Variants in TASP1 observed in about 807,000 individuals in gnomAD.
The protein encoded by TASP1 is taspase 1.
Under a neutral mutation model 56.6 loss-of-function variants are expected in TASP1, and 16 were observed. The ratio of observed to expected loss-of-function variants is 0.28; its 90% CI spans 0.19 to 0.43. The LOEUF (loss-of-function observed/expected upper bound fraction) is 0.43. Among genes scored for constraint, TASP1 ranks in the 20% least tolerant of loss-of-function variants. TASP1 has a pLI of 1.00. For missense variants in TASP1, 393 were observed against 511.6 expected (o/e 0.77, Z 2.24); for synonymous variants, 179 against 184.2 (o/e 0.97, Z 0.23).
At chr20:13,109,612 G>T in the TASP1 span, among the ~76,000 whole-genome samples, 2 of 152,190 alleles carry the variant, frequency 1.3e-5, no homozygotes, top group Non-Finnish European at 2.9e-5. Context: ...AGGCTTAATT[G>T]TCCCACTGCT....
intron 8 of TASP1, among the ~76,000 whole-genome samples, chr20:13,542,187 G>A (rs1027226214): frequency 2.6e-5 from 4 of 152,022 alleles, no homozygotes; most frequent in Non-Finnish European, 4.4e-5. Flanking sequence ...AAAGGATGGG[G>A]AAGAAAAAAC....
At chr20:13,265,303 C>T in the TASP1 span, among the ~76,000 whole-genome samples, 1 of 152,130 alleles carries the variant, frequency 6.6e-6, no homozygotes, top group Non-Finnish European at 1.5e-5. Context: ...CCTCTGAAAA[C>T]CTTTCTTTCT....
chr20:13,206,619 C>G, the TASP1 span, among the ~76,000 whole-genome samples: 11 of 152,130 alleles, frequency 7.2e-5, no homozygotes, highest in Non-Finnish European at 1.3e-4. Context: ...AAGATTCCTT[C>G]CGTCTATTGA....
chr20:13,209,524 T>C, the TASP1 span, among the ~76,000 whole-genome samples: 10 of 152,182 alleles, frequency 6.6e-5, no homozygotes, highest in Admixed American at 5.2e-4. Flanking sequence ...AGAAAGACCT[T>C]CCATTATATT....
intron 10 of TASP1, among the ~76,000 whole-genome samples, chr20:13,491,217 G>T (rs2043514339): frequency 6.6e-6 from 1 of 152,156 alleles, no homozygotes; most frequent in Non-Finnish European, 1.5e-5. Context: ...ATTTCTCTTA[G>T]CCTGGCAGGA....
At chr20:13,511,358 G>A (rs765137716) in intron 10 of TASP1, among the ~76,000 whole-genome samples, 3 of 152,048 alleles carry the variant, frequency 2.0e-5, no homozygotes, top group Admixed American at 6.6e-5. Flanking sequence ...AATGGAGCCC[G>A]TGAACAAATT....
At chr20:13,234,192 C>CACTT in the TASP1 span, among the ~76,000 whole-genome samples, 1 of 152,104 alleles carries the variant, frequency 6.6e-6, no homozygotes, top group Non-Finnish European at 1.5e-5. Context: ...GTTTAGCCCC[C>CACTT]ACTTATAAGG....
At chr20:13,343,804 T>C in the TASP1 span, among the ~76,000 whole-genome samples, 2 of 152,068 alleles carry the variant, frequency 1.3e-5, no homozygotes, top group South Asian at 4.1e-4. Context: ...ATCCTGACTA[T>C]AGAAAGAAAG....
chr20:13,563,198 A>G (rs2046408463), intron 7 of TASP1, among the ~76,000 whole-genome samples: 1 of 151,754 alleles, frequency 6.6e-6, no homozygotes, highest in Admixed American at 6.6e-5. Context: ...AATGAAATTA[A>G]CAAAGTCCAA....
the TASP1 span, among the ~76,000 whole-genome samples, chr20:13,108,309 T>C: frequency 6.6e-6 from 1 of 152,226 alleles, no homozygotes; most frequent in Admixed American, 6.5e-5. Context: ...AAGAACTATC[T>C]TGTGGCCTCA....
chr20:13,512,477 A>C (rs943665141), intron 10 of TASP1, among the ~76,000 whole-genome samples: 5 of 151,848 alleles, frequency 3.3e-5, no homozygotes, highest in African/African-American at 1.2e-4. Context: ...AATTTGTTGG[A>C]GTTCTTTGTA....
intron 7 of TASP1, among the ~76,000 whole-genome samples, chr20:13,561,242 A>C (rs2046334041): frequency 6.6e-6 from 1 of 152,232 alleles, no homozygotes; most frequent in Non-Finnish European, 1.5e-5. Context: ...AGAACCTTAG[A>C]CAGAACTCAA....
chr20:13,222,891 G>C, the TASP1 span, among the ~76,000 whole-genome samples: 1 of 152,166 alleles, frequency 6.6e-6, no homozygotes, highest in Non-Finnish European at 1.5e-5. Flanking sequence ...AACCAGGCGC[G>C]GTGGCTCACG....
chr20:13,353,936 A>C, the TASP1 span, among the ~76,000 whole-genome samples: 4 of 152,216 alleles, frequency 2.6e-5, no homozygotes, highest in African/African-American at 9.6e-5. Context: ...AGACACAGAA[A>C]TCATGTGGGG....
At position 13,529,804 on chromosome 20, in the gene TASP1, T is replaced by TATATC. The variant is rs569339286; in HGVS notation, c.796-1294_796-1293insGATAT. ...ACCAGACTTCAGCTTTCTATGATATTCTGTTATTTTTTTACAAGGATCTTA... is the reference window on the plus strand; with the variant it reads ...ACCAGACTTCAGCTTTCTATGATATTATATCCTGTTATTTTTTTACAAGGATCTTA... On this transcript the variant is annotated intron_variant, in intron 9 of 13. Transcript: ENST00000337743. 2.3e-3 allele frequency among the ~76,000 whole-genome samples: 349 copies of TATATC among 152,248 alleles called. 10 individuals are homozygous for TATATC. Among genetic ancestry groups the TATATC allele is most frequent in the Admixed American group, 0.022 (329 of 15,290 alleles).
chr20:13,591,073 G>A (rs2147282780), intron 4 of TASP1, among the ~76,000 whole-genome samples: 1 of 151,456 alleles, frequency 6.6e-6, no homozygotes, highest in Non-Finnish European at 1.5e-5. Context: ...AAAAGAAAAG[G>A]AGGAGGAAAA....
intron 9 of TASP1, 123 bp downstream of exon 9, chr20:13,533,899 G>T (rs971133109): frequency 2.5e-6 from 3 of 1,178,910 alleles, no homozygotes; most frequent in Admixed American, 4.8e-5. Context: ...TATACTACAT[G>T]TTAAAAAACA....
intron 7 of TASP1, among the ~76,000 whole-genome samples, chr20:13,562,657 A>T (rs552282481): frequency 2.0e-5 from 3 of 152,046 alleles, no homozygotes; most frequent in African/African-American, 7.2e-5. Context: ...TGGGTGAATC[A>T]CTTGAATACA....
intron 11 of TASP1, among the ~76,000 whole-genome samples, chr20:13,444,685 G>A (rs1351231701): frequency 1.3e-5 from 2 of 152,146 alleles, no homozygotes; most frequent in African/African-American, 4.8e-5. Flanking sequence ...TAAGTTAACT[G>A]CATTCTACCA....
Sources: gnomAD v4.1 joint callset for allele counts (sites outside exome capture counted in the v4.1 genomes callset) on GRCh38, gnomAD v4.1.1 for gene constraint, MANE v1.5 for transcripts, NCBI Gene and HGNC (gene_info 2026-07-23, HGNC 2026-07-21) for gene names.